The following SRGAP2 variants were observed in gnomAD, a reference collection of about 807,000 sequenced individuals.
SRGAP2 encodes the protein SLIT-ROBO Rho GTPase activating protein 2.
SRGAP2 carries 15 observed loss-of-function variants against 57.2 expected under a neutral mutation model. The observed-to-expected ratio is 0.26, with a 90% confidence interval of 0.18 to 0.40. The LOEUF (loss-of-function observed/expected upper bound fraction) is 0.40. Ranked by LOEUF, SRGAP2 falls within the 10% of genes least tolerant of loss-of-function variation. The pLI, the probability that SRGAP2 is intolerant of heterozygous loss-of-function variation, is 1.00. For missense variants in SRGAP2, 520 were observed against 669.6 expected (o/e 0.78, Z 2.47); for synonymous variants, 249 against 248.0 (o/e 1.00, Z -0.04).
intron 4 of SRGAP2, among the ~76,000 whole-genome samples, chr1:206,371,364 G>C (rs1654532305): frequency 6.6e-6 from 1 of 151,776 alleles, no homozygotes; most frequent in South Asian, 2.1e-4. Context: ...CATTATTTAG[G>C]CAGAAGGAAA....
At chr1:206,240,450 A>G (rs535639502) in intron 2 of SRGAP2, among the ~76,000 whole-genome samples, 1 of 152,024 alleles carries the variant, frequency 6.6e-6, no homozygotes, top group Admixed American at 6.6e-5. Flanking sequence ...TTGGCTGTAA[A>G]CTCATGGAGC....
chr1:206,371,706 G>A (rs1402036274), intron 4 of SRGAP2, among the ~76,000 whole-genome samples: 16 of 144,468 alleles, frequency 1.1e-4, no homozygotes, highest in African/African-American at 3.5e-4. Flanking sequence ...ACTCCAGCCT[G>A]GGCAACTGAG....
At chr1:206,458,522 C>G (rs1467393232) in intron 21 of SRGAP2, 101 bp from the exon 22 acceptor site, 2 of 694,900 alleles carry the variant, frequency 2.9e-6, no homozygotes, top group Non-Finnish European at 5.3e-6. Context: ...CCCTCTCCTT[C>G]CGAAGTCCCT....
At chr1:206,432,457 A>G (rs560369842) in intron 14 of SRGAP2, among the ~76,000 whole-genome samples, 1 of 152,372 alleles carries the variant, frequency 6.6e-6, no homozygotes, top group African/African-American at 2.4e-5. Flanking sequence ...CAACAATACA[A>G]AAATGCATGC....
At chr1:206,322,064 T>C (rs1673488159) in intron 3 of SRGAP2, among the ~76,000 whole-genome samples, 2 of 149,288 alleles carry the variant, frequency 1.3e-5, no homozygotes, top group East Asian at 4.0e-4. Context: ...CATGTACTTC[T>C]ATAAATAGCT....
At chr1:206,427,029 A>G (rs112582213) in intron 13 of SRGAP2, among the ~76,000 whole-genome samples, 57 of 152,194 alleles carry the variant, frequency 3.7e-4, no homozygotes, top group Middle Eastern at 3.4e-3. Flanking sequence ...CTTACTCAAA[A>G]AATCTTTGCC....
chr1:206,259,413 T>G (rs1669403951), intron 2 of SRGAP2, among the ~76,000 whole-genome samples: 1 of 150,578 alleles, frequency 6.6e-6, no homozygotes. Context: ...CATAGCTCAC[T>G]GCAGCCTCGA....
chr1:206,226,884 C>T (rs532611589), intron 2 of SRGAP2, among the ~76,000 whole-genome samples: 327 of 152,040 alleles, frequency 2.2e-3, no homozygotes, highest in African/African-American at 7.5e-3. Flanking sequence ...TAGATGAACA[C>T]GCACCTTCCT....
In SRGAP2 at chr1:206,303,477, G is replaced by C; in HGVS notation, c.260+4G>C. ...GCACCAAGGACCAGCAATTCAAGTA[G>C]GGGCTCTGTGGCTATTACTCTCTGA... is the stretch of plus-strand genomic sequence containing the variant. On this transcript the variant is annotated splice_donor_region_variant and intron_variant, in intron 3 of 22. Transcript: ENST00000573034. The C allele has an allele frequency of 1.3e-6, 2 of 1,486,764 alleles. No individual in the cohort carries two copies. The highest frequency in any genetic ancestry group is 1.8e-6 in the Non-Finnish European group (2 of 1,121,352). The allele number at this position is 1,486,764 out of a possible 1,614,324, so 92.1% of individuals were successfully genotyped here. A position where few individuals can be genotyped will look rare whatever the true frequency, so the allele number is the denominator to read the frequency against.
intron 2 of SRGAP2, among the ~76,000 whole-genome samples, chr1:206,277,260 G>A (rs1670470396): frequency 1.5e-5 from 2 of 130,640 alleles, no homozygotes; most frequent in African/African-American, 5.8e-5. Flanking sequence ...ATTTGGTTTC[G>A]GATCTTGCCA....
chr1:206,360,228 G>A (rs1484325330), intron 4 of SRGAP2, among the ~76,000 whole-genome samples: 2 of 149,716 alleles, frequency 1.3e-5, no homozygotes, highest in Non-Finnish European at 3.0e-5. Context: ...ATTTCAGGCA[G>A]AGATAATAGT....
At chr1:206,415,049 C>G (rs1261335371) in intron 10 of SRGAP2, among the ~76,000 whole-genome samples, 1 of 152,170 alleles carries the variant, frequency 6.6e-6, no homozygotes, top group East Asian at 1.9e-4. Flanking sequence ...TGACCTTGAG[C>G]AACTTAATTA....
At chr1:206,443,064 T>C (rs1662451830) in intron 17 of SRGAP2, among the ~76,000 whole-genome samples, 2 of 152,188 alleles carry the variant, frequency 1.3e-5, no homozygotes. Context: ...TTGCATATCA[T>C]TAAAAAGTTA....
intron 2 of SRGAP2, among the ~76,000 whole-genome samples, chr1:206,215,441 G>A (rs1486971613): frequency 6.6e-6 from 1 of 151,978 alleles, no homozygotes; most frequent in Non-Finnish European, 1.5e-5. Context: ...TGTCACCAGA[G>A]TGATTTTTAA....
intron 10 of SRGAP2, among the ~76,000 whole-genome samples, chr1:206,408,878 TTATC>T (rs1294688313): frequency 2.6e-5 from 4 of 152,042 alleles, no homozygotes; most frequent in Non-Finnish European, 5.9e-5. Context: ...CTAGTGCCAC[TTATC>T]AAAATTGTGT....
At chr1:206,252,310 G>C (rs1382273326) in intron 2 of SRGAP2, among the ~76,000 whole-genome samples, 1 of 151,576 alleles carries the variant, frequency 6.6e-6, no homozygotes, top group Admixed American at 6.6e-5. Context: ...TTTAAAATTG[G>C]TGCCTTAGAC....
At chr1:206,377,211 T>TAG (rs201510700) in intron 4 of SRGAP2, among the ~76,000 whole-genome samples, 1,537 of 152,278 alleles carry the variant, frequency 0.01, 33 homozygotes, top group African/African-American at 0.035. Flanking sequence ...GGCCTTAGAC[T>TAG]AGTCAAGTTT....
At chr1:206,216,587 C>A (rs1666657159) in intron 2 of SRGAP2, among the ~76,000 whole-genome samples, 1 of 151,558 alleles carries the variant, frequency 6.6e-6, no homozygotes. Flanking sequence ...AGGAGAGGTC[C>A]TAAGGAACAA....
At chr1:206,319,919 G>A (rs546861774) in intron 3 of SRGAP2, among the ~76,000 whole-genome samples, 7 of 150,266 alleles carry the variant, frequency 4.7e-5, no homozygotes, top group Non-Finnish European at 8.8e-5. Flanking sequence ...AGCGATTCTC[G>A]TGCCTCAGCC....
Sources: gnomAD v4.1 joint callset for allele counts (sites outside exome capture counted in the v4.1 genomes callset) on GRCh38, gnomAD v4.1.1 for gene constraint, MANE v1.5 for transcripts, NCBI Gene and HGNC (gene_info 2026-07-23, HGNC 2026-07-21) for gene names.